SYTL5: variants seen among roughly 807,000 people sequenced by gnomAD.
SYTL5 encodes the protein synaptotagmin like 5.
Under a neutral mutation model 55.9 loss-of-function variants are expected in SYTL5, and 34 were observed. The observed-to-expected ratio is 0.61, with a 90% CI of 0.46 to 0.81. The LOEUF (loss-of-function observed/expected upper bound fraction) is 0.81. SYTL5 is among the 30% of genes least tolerant of loss of function. SYTL5 has a pLI of 0.00. For synonymous variants in SYTL5, 221 were observed against 188.7 expected (o/e 1.17, Z -1.40); for missense variants, 637 against 546.7 (o/e 1.17, Z -1.65).
the SYTL5 span, among the ~76,000 whole-genome samples, chrX:37,976,210 TA>T: frequency 8.9e-6 from 1 of 112,893 alleles, no homozygotes; most frequent in African/African-American, 3.2e-5. Context: ...TGTTCTTAGA[TA>T]AAGTTAGTGA....
intron 3 of SYTL5, among the ~76,000 whole-genome samples, chrX:38,064,185 C>T (rs182632050): frequency 1.8e-5 from 2 of 110,971 alleles, no homozygotes; most frequent in East Asian, 2.8e-4. Context: ...GAGAAGACTA[C>T]GGCAGATTGT....
chrX:38,004,672 A>G (rs979592393), upstream of SYTL5, among the ~76,000 whole-genome samples: 1 of 111,339 alleles, frequency 9.0e-6, no homozygotes, highest in African/African-American at 3.3e-5. Context: ...TAAGCCAGAC[A>G]CAGAAAAAAA....
Position 38,025,992 on chromosome X carries a change from T to G in SYTL5, c.-356-7542T>G, listed in dbSNP as rs1049196384. Among the ~76,000 whole-genome samples the G allele has an allele frequency of 3.6e-5, 4 of 112,187 alleles. No individual in the cohort carries two copies. In the South Asian group the frequency reaches 1.5e-3, roughly 42 times the overall value. On this transcript the variant is annotated intron_variant, in intron 1 of 16. Coordinates refer to ENST00000297875, the MANE Select transcript of SYTL5 (RefSeq NM_138780.3). ...GAACATTCACTCCTGAAGGGAGAGCTCTATGGGAAGCCAACTTATAATCAA... is the reference window on the plus strand; with the variant it reads ...GAACATTCACTCCTGAAGGGAGAGCGCTATGGGAAGCCAACTTATAATCAA...
rs967776917 is a variant in SYTL5 at position 38,073,830 on chromosome X, A to T, written c.554+132A>T. 19 of 409,464 alleles carry T rather than the reference A, an allele frequency of 4.6e-5. No homozygotes were observed. The Middle Eastern group carries it at 3.6e-3, about 79-fold the overall frequency. 33.7% of individuals were successfully genotyped at this position (409,464 alleles called of 1,213,427 possible). A position where few individuals can be genotyped will look rare whatever the true frequency, so the allele number is the denominator to read the frequency against. ...AGGTCAGAGACTCAAACAAAGTAAC[A>T]CTTTCTTATCATTCTCCTCAGGAAA... On this transcript the variant is annotated intron_variant, in intron 5 of 16. Coordinates refer to ENST00000297875, the MANE Select transcript of SYTL5 (RefSeq NM_138780.3).
At chrX:38,073,821 CA>C (rs889993773) in intron 5 of SYTL5, 123 bp downstream of exon 5, 2 of 415,923 alleles carry the variant, frequency 4.8e-6, no homozygotes, top group African/African-American at 5.2e-5. Context: ...GAGACTCAAA[CA>C]AAGTAACACT....
the SYTL5 span, among the ~76,000 whole-genome samples, chrX:37,927,795 AC>A: frequency 9.0e-6 from 1 of 110,626 alleles, no homozygotes; most frequent in Non-Finnish European, 1.9e-5. Flanking sequence ...ACAAAACAAA[AC>A]AAACAAAAAA....
chrX:37,892,673 T>G, the SYTL5 span, among the ~76,000 whole-genome samples: 3 of 87,705 alleles, frequency 3.4e-5, no homozygotes, highest in African/African-American at 1.5e-4. Context: ...TATATTAGTA[T>G]ATATGTATAT....
the SYTL5 span, among the ~76,000 whole-genome samples, chrX:37,893,755 A>G: frequency 1.2e-5 from 1 of 84,033 alleles, no homozygotes; most frequent in Non-Finnish European, 2.2e-5. Flanking sequence ...TATAGATTAT[A>G]TATAATCTAT....
intron 13 of SYTL5, among the ~76,000 whole-genome samples, chrX:38,114,256 C>T (rs998862015): frequency 1.8e-5 from 2 of 111,778 alleles, no homozygotes; most frequent in African/African-American, 3.3e-5. Context: ...GCTTTCTCAA[C>T]CTGGACTAAC....
rs1038532492 is a variant in SYTL5 at position 38,086,857 on chromosome X, A to C, written c.690-2589A>C. 3.4e-4 allele frequency among the ~76,000 whole-genome samples: 38 copies of C among 111,942 alleles called. 1 individual carries two copies. The Admixed American group carries it at 3.5e-3, about 10-fold the overall frequency. ...CTGGAAAAAATTTTTTGAGAAGCTC[A>C]CAGTAAATGTCAGGGACAAATGTGA... On this transcript the variant is annotated intron_variant, in intron 6 of 16. Transcript: ENST00000297875.
chrX:37,915,118 A>G, the SYTL5 span, among the ~76,000 whole-genome samples: 1 of 111,942 alleles, frequency 8.9e-6, no homozygotes, highest in East Asian at 2.8e-4. Flanking sequence ...TCAGCACAGC[A>G]CACAGGGGCT....
At chrX:37,991,171 C>A in the SYTL5 span, 1 of 1,209,589 alleles carries the variant, frequency 8.3e-7, no homozygotes, top group Non-Finnish European at 1.1e-6. Context: ...GATGAGATGC[C>A]CAAATCCAGG....
chrX:37,980,801 A>C, the SYTL5 span, among the ~76,000 whole-genome samples: 1 of 112,033 alleles, frequency 8.9e-6, no homozygotes, highest in Non-Finnish European at 1.9e-5. Flanking sequence ...TTGCTTCTTC[A>C]TCCTAGCCTC....
the SYTL5 span, among the ~76,000 whole-genome samples, chrX:37,926,768 C>T: frequency 0.16 from 18,104 of 110,938 alleles, 2,668 homozygotes; most frequent in African/African-American, 0.48. Flanking sequence ...CTCTCTCAAC[C>T]GTGATAATTT....
the SYTL5 span, among the ~76,000 whole-genome samples, chrX:37,929,213 C>T: frequency 8.9e-6 from 1 of 111,759 alleles, no homozygotes; most frequent in South Asian, 3.7e-4. Flanking sequence ...CCTGTTTTTT[C>T]TTCCTTAAAG....
At chrX:38,013,969 C>A (rs1279292118) in intron 1 of SYTL5, among the ~76,000 whole-genome samples, 1 of 111,252 alleles carries the variant, frequency 9.0e-6, no homozygotes, top group Non-Finnish European at 1.9e-5. Context: ...AGCATCAGGA[C>A]CTCCCCAATC....
chrX:37,916,295 C>T, the SYTL5 span, among the ~76,000 whole-genome samples: 1 of 112,101 alleles, frequency 8.9e-6, no homozygotes, highest in African/African-American at 3.2e-5. Flanking sequence ...ATGAGCGGAG[C>T]CCACGCACCC....
At chrX:38,025,527 A>C (rs773631714) in intron 1 of SYTL5, among the ~76,000 whole-genome samples, 23 of 112,241 alleles carry the variant, frequency 2.0e-4, no homozygotes, top group African/African-American at 7.1e-4. Flanking sequence ...ATAGAATGAC[A>C]TACAAAGCAT....
At chrX:37,985,999 A>T in the SYTL5 span, among the ~76,000 whole-genome samples, 7 of 111,539 alleles carry the variant, frequency 6.3e-5, no homozygotes, top group African/African-American at 2.3e-4. Flanking sequence ...GACTATATAA[A>T]AAAATTAACT....
Sources: allele counts gnomAD v4.1 joint callset (sites outside exome capture counted in the v4.1 genomes callset), GRCh38; gene constraint gnomAD v4.1.1; transcripts MANE v1.5; gene names NCBI Gene and HGNC (gene_info 2026-07-23, HGNC 2026-07-21).